The following AKAP6 variants were observed in gnomAD, a reference collection of about 807,000 sequenced individuals.
AKAP6 encodes A-kinase anchoring protein 6, also known as A-kinase anchor protein 6.
Under a neutral mutation model 188.5 loss-of-function variants are expected in AKAP6, and 58 were observed. The ratio of observed to expected loss-of-function variants is 0.31; its 90% CI spans 0.25 to 0.38. The LOEUF (loss-of-function observed/expected upper bound fraction) is 0.38, where lower values mean the gene tolerates loss of function less well. Among genes scored for constraint, AKAP6 ranks in the 10% least tolerant of loss-of-function variants. The probability of loss-of-function intolerance (pLI) is 1.00; values close to 1 mark genes in which losing one functional copy is unlikely to be tolerated. For missense variants in AKAP6, 2,710 were observed against 2,740.0 expected (o/e 0.99, Z 0.24); for synonymous variants, 989 against 998.6 (o/e 0.99, Z 0.18).
chr14:32,438,748 T>A (rs530161303), intron 2 of AKAP6: 2 of 152,354 alleles, frequency 1.3e-5, no homozygotes, highest in Admixed American at 1.3e-4. Flanking sequence ...CTTCTTTGGA[T>A]TCAGAAGCTG....
chr14:32,817,100 C>A (rs1255177518), intron 12 of AKAP6, among the ~76,000 whole-genome samples: 3 of 152,098 alleles, frequency 2.0e-5, no homozygotes, highest in Non-Finnish European at 4.4e-5. Context: ...GTTTTGTAGA[C>A]TGTCGAGTTC....
intron 1 of AKAP6, among the ~76,000 whole-genome samples, chr14:32,337,229 T>C (rs1886732867): frequency 6.6e-6 from 1 of 152,086 alleles, no homozygotes; most frequent in Non-Finnish European, 1.5e-5. Flanking sequence ...ATTTGTCCTT[T>C]AGGGTTATTG....
rs115615152 is a variant in AKAP6 at position 32,451,814 on chromosome 14, T to C, written c.324+17997T>C. Among the ~76,000 whole-genome samples the C allele has an allele frequency of 8.1e-3, 1,236 of 152,164 alleles. 11 individuals carry two copies. The highest frequency in any genetic ancestry group is 0.028 in the African/African-American group (1,165 of 41,524). On this transcript the variant is annotated intron_variant, in intron 2 of 13. Transcript: ENST00000280979. ...CTTAGTCACACTAGCCACCTTTTAATAGTAGTTAGTGGCAACTGTACTGGA... is the reference window on the plus strand; with the variant it reads ...CTTAGTCACACTAGCCACCTTTTAACAGTAGTTAGTGGCAACTGTACTGGA...
intron 2 of AKAP6, among the ~76,000 whole-genome samples, chr14:32,514,241 C>A (rs1881405330): frequency 6.6e-6 from 1 of 152,192 alleles, no homozygotes; most frequent in Admixed American, 6.5e-5. Context: ...TATGAGGCTT[C>A]ATTTCCTGTT....
chr14:32,534,558 T>G (rs1283919193), intron 2 of AKAP6, among the ~76,000 whole-genome samples: 1 of 152,230 alleles, frequency 6.6e-6, no homozygotes, highest in East Asian at 1.9e-4. Context: ...TTAAAATGTC[T>G]GCATGAAACG....
At chr14:32,513,097 G>T (rs896510497) in intron 2 of AKAP6, among the ~76,000 whole-genome samples, 1 of 152,108 alleles carries the variant, frequency 6.6e-6, no homozygotes, top group Non-Finnish European at 1.5e-5. Flanking sequence ...GGGTGTTGGG[G>T]TCACTCCAGG....
intron 12 of AKAP6, among the ~76,000 whole-genome samples, chr14:32,785,871 T>C (rs563963635): frequency 9.2e-5 from 14 of 152,298 alleles, no homozygotes; most frequent in African/African-American, 3.1e-4. Context: ...AATTTCTCTT[T>C]AGTTTTCAGA....
chr14:32,588,573 A>G (rs887697883), intron 5 of AKAP6, among the ~76,000 whole-genome samples: 3 of 152,162 alleles, frequency 2.0e-5, no homozygotes, highest in Admixed American at 6.5e-5. Flanking sequence ...ATAGTAGTAG[A>G]CTTTTAAAAC....
At chr14:32,512,991 T>C (rs1881334727) in intron 2 of AKAP6, among the ~76,000 whole-genome samples, 1 of 152,222 alleles carries the variant, frequency 6.6e-6, no homozygotes, top group African/African-American at 2.4e-5. Context: ...ATTTTAGTCA[T>C]GCAAAGTTTA....
chr14:32,822,656 T>G lies in AKAP6; in HGVS notation c.4843T>G (p.Ser1615Ala), dbSNP rs755660798. The G allele has an allele frequency of 1.9e-6, 3 of 1,613,886 alleles. No individual in the cohort carries two copies. The highest frequency in any genetic ancestry group is 2.7e-5 in the African/African-American group (2 of 74,902). The change falls in exon 13 of 14, where the codon TCT (serine) becomes GCT (alanine). Residue 1615 changes from serine to alanine, a missense_variant. Physicochemically the swap from Ser to Ala is moderately conservative, Grantham distance 99. Around this residue, in one of 2 missense-constraint regions of AKAP6, gnomAD observed 2,473 missense variants for 2,426.1 expected, o/e 1.02. Transcript: ENST00000280979. ...TGAAGATCTCTTTAGCTGTCACAGCTCTGGGGATATAAGCGTGAGCAGTGG... is the reference window on the plus strand; with the variant it reads ...TGAAGATCTCTTTAGCTGTCACAGCGCTGGGGATATAAGCGTGAGCAGTGG... ...SNEDLFSCHS[S>A]GDISVSSGSV...
chr14:32,716,506 T>A (rs1375044034), intron 9 of AKAP6, among the ~76,000 whole-genome samples: 1 of 150,460 alleles, frequency 6.6e-6, no homozygotes, highest in Admixed American at 6.7e-5. Context: ...TATGCTATAG[T>A]ATACACTATG....
chr14:32,364,207 A>C (rs748792164), intron 1 of AKAP6, among the ~76,000 whole-genome samples: 8 of 152,226 alleles, frequency 5.3e-5, no homozygotes, highest in Non-Finnish European at 1.2e-4. Context: ...GAAAGAAGGC[A>C]GGTTTTGGGG....
intron 1 of AKAP6, among the ~76,000 whole-genome samples, chr14:32,354,963 A>G (rs1228866723): frequency 6.6e-6 from 1 of 152,164 alleles, no homozygotes; most frequent in African/African-American, 2.4e-5. Context: ...AGGGGTGGAC[A>G]TATGACCCTG....
chr14:32,384,123 C>T (rs897075885), intron 1 of AKAP6, among the ~76,000 whole-genome samples: 7 of 152,164 alleles, frequency 4.6e-5, no homozygotes, highest in Non-Finnish European at 1.0e-4. Context: ...TAAAGGCTTA[C>T]GTTTGGTAAA....
intron 1 of AKAP6, among the ~76,000 whole-genome samples, chr14:32,366,671 A>T (rs1384058538): frequency 6.6e-6 from 1 of 151,972 alleles, no homozygotes; most frequent in Non-Finnish European, 1.5e-5. Flanking sequence ...TTCTCTCTTT[A>T]TATTTGGATT....
intron 2 of AKAP6, among the ~76,000 whole-genome samples, chr14:32,473,567 A>G (rs746295590): frequency 6.6e-6 from 1 of 152,204 alleles, no homozygotes. Flanking sequence ...ATGCCAAATT[A>G]GTGGGGTGAG....
At chr14:32,631,416 A>G (rs1031865072) in intron 7 of AKAP6, among the ~76,000 whole-genome samples, 2 of 152,040 alleles carry the variant, frequency 1.3e-5, no homozygotes, top group Admixed American at 1.3e-4. Context: ...ATGATTGAAT[A>G]GTTTATAATT....
At chr14:32,710,027 G>A (rs370603894) in intron 9 of AKAP6, among the ~76,000 whole-genome samples, 32 of 151,944 alleles carry the variant, frequency 2.1e-4, no homozygotes, top group African/African-American at 7.3e-4. Context: ...GCTTTAACAA[G>A]CTCCATGGAT....
intron 7 of AKAP6, among the ~76,000 whole-genome samples, chr14:32,613,785 G>A (rs1566605037): frequency 6.6e-6 from 1 of 152,000 alleles, no homozygotes; most frequent in Admixed American, 6.6e-5. Context: ...TCTTCTTAAC[G>A]AGCTCTTCTG....
Sources: allele counts gnomAD v4.1 joint callset (sites outside exome capture counted in the v4.1 genomes callset), GRCh38; gene constraint gnomAD v4.1.1; regional missense constraint gnomAD v4.1.1; transcripts MANE v1.5; gene names NCBI Gene and HGNC (gene_info 2026-07-23, HGNC 2026-07-21).